Variants in RAD54B observed in about 807,000 individuals in gnomAD.
RAD54B encodes the protein DNA repair and recombination protein RAD54B.
RAD54B carries 78 observed loss-of-function variants against 95.8 expected under a neutral mutation model. The observed-to-expected ratio is 0.81, with a 90% confidence interval of 0.68 to 0.98. The LOEUF (loss-of-function observed/expected upper bound fraction) is 0.98, where lower values mean the gene tolerates loss of function less well. Ranked by LOEUF, RAD54B falls within the 50% of genes least tolerant of loss-of-function variation. RAD54B has a pLI of 0.00. For missense variants in RAD54B, 957 were observed against 1,056.6 expected (o/e 0.91, Z 1.31); for synonymous variants, 328 against 354.9 (o/e 0.92, Z 0.85).
At chr8:94,402,677 G>C (rs563663651) in intron 6 of RAD54B, among the ~76,000 whole-genome samples, 2 of 152,224 alleles carry the variant, frequency 1.3e-5, no homozygotes, top group African/African-American at 2.4e-5. Context: ...GGGAAACACT[G>C]TTCTAAGTTC....
At chr8:94,385,837 G>A (rs1043847410) in intron 11 of RAD54B, among the ~76,000 whole-genome samples, 4 of 152,234 alleles carry the variant, frequency 2.6e-5, no homozygotes, top group African/African-American at 9.6e-5. Flanking sequence ...GAGCAGAGCA[G>A]AAGTGGGGCA....
rs996901766 is a variant in RAD54B at position 94,454,037 on chromosome 8, C to T, written c.304+4231G>A. Among the ~76,000 whole-genome samples the T allele has an allele frequency of 7.9e-5, 12 of 152,106 alleles. No homozygotes were observed. In the East Asian group the frequency reaches 9.7e-4, roughly 12 times the overall value. On this transcript the variant is annotated intron_variant, in intron 3 of 14. Coordinates refer to ENST00000336148, the MANE Select transcript of RAD54B (RefSeq NM_012415.3). ...AACTCCTGACCTCAGGTCATCCACC[C>T]GCCTCAGCCTCCCAAAGTGCTGGGA...
intron 3 of RAD54B, among the ~76,000 whole-genome samples, chr8:94,422,930 G>A (rs189466841): frequency 2.8e-3 from 416 of 150,838 alleles, no homozygotes; most frequent in Middle Eastern, 6.9e-3. Context: ...ATTCCCTGCT[G>A]TATGGCCTAC....
intron 3 of RAD54B, chr8:94,428,129 G>T: frequency 1.1e-6 from 1 of 898,302 alleles, no homozygotes; most frequent in Non-Finnish European, 1.3e-6. Context: ...ATAAGAGAAA[G>T]ATAGGAAAGT....
chr8:94,380,452 A>C (rs1307718370), intron 11 of RAD54B, 46 bp from the exon 12 acceptor site: 2 of 1,534,582 alleles, frequency 1.3e-6, no homozygotes, highest in Non-Finnish European at 1.8e-6. Flanking sequence ...TAAAGGCAGC[A>C]TTAGATTTTC....
chr8:94,453,070 C>T (rs1033518348), intron 3 of RAD54B, among the ~76,000 whole-genome samples: 2 of 152,092 alleles, frequency 1.3e-5, no homozygotes, highest in Non-Finnish European at 1.5e-5. Flanking sequence ...GAGTATCCTA[C>T]TCCAAGGTAT....
chr8:94,435,547 T>G (rs1479777186), intron 3 of RAD54B, among the ~76,000 whole-genome samples: 2 of 152,240 alleles, frequency 1.3e-5, no homozygotes, highest in East Asian at 3.8e-4. Flanking sequence ...AGTTTACAAT[T>G]TGTTTAAATT....
chr8:94,429,135 T>C lies in RAD54B; in HGVS notation c.305-17820A>G, dbSNP rs529760125. ...GCAGTAAACTCAAAGAGTGTGATTC[T>C]GGTGTTTAAAAATATGTAAAAATAG... On this transcript the variant is annotated intron_variant, in intron 3 of 14. Transcript: ENST00000336148. 38 of 983,868 alleles carry C rather than the reference T, an allele frequency of 3.9e-5. No homozygotes were observed. In the African/African-American group the frequency reaches 6.3e-4, roughly 16 times the overall value. The allele number at this position is 983,868 out of a possible 1,614,324, so 60.9% of individuals were successfully genotyped here.
intron 3 of RAD54B, among the ~76,000 whole-genome samples, chr8:94,414,543 T>A (rs1476976523): frequency 6.6e-6 from 1 of 152,224 alleles, no homozygotes; most frequent in African/African-American, 2.4e-5. Context: ...TGAAGCGTTG[T>A]TGAATTTTGT....
chr8:94,381,794 G>A (rs1474869207), intron 11 of RAD54B, among the ~76,000 whole-genome samples: 2 of 152,086 alleles, frequency 1.3e-5, no homozygotes, highest in Admixed American at 6.5e-5. Context: ...CTGACTGACA[G>A]GAATTCCAAA....
chr8:94,456,419 T>TAA (rs1256941108), intron 3 of RAD54B, among the ~76,000 whole-genome samples: 1 of 152,190 alleles, frequency 6.6e-6, no homozygotes. Context: ...TGTGTGGTTA[T>TAA]GCAGGAGAAA....
intron 3 of RAD54B, chr8:94,432,760 A>AAACTAT (rs1225892310): frequency 7.6e-7 from 1 of 1,317,086 alleles, no homozygotes; most frequent in Non-Finnish European, 9.8e-7. Flanking sequence ...TAAAGCTTTA[A>AAACTAT]AACTATAAAG....
chr8:94,468,766 T>A (rs911366595), intron 1 of RAD54B, among the ~76,000 whole-genome samples: 22 of 151,962 alleles, frequency 1.4e-4, no homozygotes, highest in Non-Finnish European at 2.5e-4. Flanking sequence ...GAGGCGGAGC[T>A]TGCAGTGAGC....
At chr8:94,377,127 T>C (rs765426975) in intron 14 of RAD54B, among the ~76,000 whole-genome samples, 2 of 152,196 alleles carry the variant, frequency 1.3e-5, no homozygotes, top group East Asian at 1.9e-4. Context: ...TGGTGACCTA[T>C]GCTTCTAAGT....
intron 1 of RAD54B, among the ~76,000 whole-genome samples, chr8:94,470,415 G>A (rs139070394): frequency 1.4e-4 from 22 of 152,294 alleles, no homozygotes; most frequent in Admixed American, 2.6e-4. Context: ...CATCAACATG[G>A]AGAAACCCTG....
chr8:94,381,432 C>G (rs1249745393), intron 11 of RAD54B, among the ~76,000 whole-genome samples: 3 of 152,184 alleles, frequency 2.0e-5, no homozygotes, highest in African/African-American at 4.8e-5. Context: ...CTGTGGACAC[C>G]AGGGAACACC....
At position 94,393,764 on chromosome 8, in the gene RAD54B, C is replaced by T. The variant is rs192402503; in HGVS notation, c.1497G>A (p.Ser499=). ...ATACCTCAGAAGCAGAAGGTTCTCT[C>T]GATAAAATGATGGGTTCTTCATATA... ...RKIYEEPIIL[S]REPSASEEEK... Residue 499 remains serine, a synonymous_variant, in exon 9 of 15, where the codon TCG becomes TCA. Coordinates refer to ENST00000336148, the MANE Select transcript of RAD54B (RefSeq NM_012415.3). 6.4e-5 allele frequency: 101 copies of T among 1,582,896 alleles called. No individual in the cohort carries two copies. The highest frequency in any genetic ancestry group is 4.4e-4 in the Admixed American group (26 of 58,876).
At chr8:94,448,617 T>C (rs1812575949) in intron 3 of RAD54B, among the ~76,000 whole-genome samples, 2 of 150,314 alleles carry the variant, frequency 1.3e-5, no homozygotes, top group African/African-American at 4.9e-5. Flanking sequence ...AGGATGTGGA[T>C]GACATTATGC....
chr8:94,444,517 A>G (rs926239009), intron 3 of RAD54B, among the ~76,000 whole-genome samples: 11 of 152,210 alleles, frequency 7.2e-5, no homozygotes, highest in Admixed American at 5.9e-4. Flanking sequence ...TCTAAAATGA[A>G]AACAAAAAAC....
Sources: allele counts gnomAD v4.1 joint callset (sites outside exome capture counted in the v4.1 genomes callset), GRCh38; gene constraint gnomAD v4.1.1; transcripts MANE v1.5; gene names NCBI Gene and HGNC (gene_info 2026-07-23, HGNC 2026-07-21).